Variants in NELL2 observed in about 807,000 individuals in gnomAD.
NELL2 encodes neural EGFL like 2.
In NELL2, 41 loss-of-function variants were observed where a neutral mutation model predicts 109.6. That is an observed-to-expected ratio of 0.37 (90% CI 0.29 to 0.49). NELL2 has a LOEUF of 0.49. Ranked by LOEUF, NELL2 falls within the 20% of genes least tolerant of loss-of-function variation. The probability of loss-of-function intolerance (pLI) is 0.98; values close to 1 mark genes in which losing one functional copy is unlikely to be tolerated. For missense variants in NELL2, 900 were observed against 1,008.3 expected, an observed-to-expected ratio of 0.89 and a Z score of 1.45; for synonymous variants, 355 against 344.7, an observed-to-expected ratio of 1.03 and a Z score of -0.33.
intron 2 of NELL2, among the ~76,000 whole-genome samples, chr12:44,861,769 C>T (rs1164316712): frequency 1.3e-5 from 2 of 152,220 alleles, no homozygotes; most frequent in Non-Finnish European, 2.9e-5. Flanking sequence ...AAACTGCTAA[C>T]CCAGTCACCA....
intron 1 of NELL2, among the ~76,000 whole-genome samples, chr12:44,899,097 G>A (rs2710433): frequency 0.3 from 44,834 of 151,676 alleles, 6,977 homozygotes; most frequent in East Asian, 0.44. Context: ...AAAGCCTCCA[G>A]GAAATATGGG....
chr12:44,714,894 A>G (rs1353866003), intron 9 of NELL2, among the ~76,000 whole-genome samples, 153 bp from the exon 10 acceptor site: 1 of 152,030 alleles, frequency 6.6e-6, no homozygotes, highest in Non-Finnish European at 1.5e-5. Flanking sequence ...TGCAAGGCAC[A>G]TGTAAACTTA....
intron 9 of NELL2, among the ~76,000 whole-genome samples, chr12:44,736,915 A>G (rs1338566140): frequency 1.3e-5 from 2 of 151,942 alleles, no homozygotes; most frequent in African/African-American, 2.4e-5. Context: ...AAATTTCCTA[A>G]TTTATTTTAT....
At chr12:44,888,577 GA>G (rs540078477) in intron 1 of NELL2, among the ~76,000 whole-genome samples, 6 of 151,138 alleles carry the variant, frequency 4.0e-5, no homozygotes, top group South Asian at 4.2e-4. Flanking sequence ...TAAAAATAAA[GA>G]AAAAAAATTA....
intron 3 of NELL2, among the ~76,000 whole-genome samples, chr12:44,800,340 C>T (rs866345679): frequency 6.6e-6 from 1 of 151,990 alleles, no homozygotes; most frequent in Non-Finnish European, 1.5e-5. Context: ...AAAATCCAAC[C>T]TATACATAAA....
At position 44,898,745 on chromosome 12, in the gene NELL2, T is replaced by C. The variant is rs569635393; in HGVS notation, c.38+15054A>G. On this transcript the variant is annotated intron_variant, in intron 1 of 20. Transcript: ENST00000333837. ...TCGCCAGCAAGGGAACAAAACTGAA[T>C]GGAGAATGAATTTGACAAATTGACA... Among the ~76,000 whole-genome samples, 309 of 152,134 alleles carry C rather than the reference T, an allele frequency of 2.0e-3. 1 individual carries two copies. Among genetic ancestry groups the C allele is most frequent in the African/African-American group, 2.6e-3 (107 of 41,528 alleles).
At chr12:44,654,640 T>G (rs1466823340) in intron 13 of NELL2, among the ~76,000 whole-genome samples, 1 of 152,118 alleles carries the variant, frequency 6.6e-6, no homozygotes, top group Non-Finnish European at 1.5e-5. Context: ...AAGCAGTCAG[T>G]GTGGCTGTGT....
Position 44,774,804 on chromosome 12 carries a change from A to G in NELL2, c.937T>C (p.Cys313Arg), listed in dbSNP as rs1235824932. The G allele has an allele frequency of 6.2e-7, 1 of 1,614,196 alleles. No homozygotes were observed. Among genetic ancestry groups the G allele is most frequent in the Admixed American group, 1.7e-5 (1 of 60,024 alleles). ...TACGCAAGAGCCGACTTAAGTGGGCAGTCAGGATTTGGGCAGATTAGAGTT... is the reference window on the plus strand; with the variant it reads ...TACGCAAGAGCCGACTTAAGTGGGCGGTCAGGATTTGGGCAGATTAGAGTT... ...CETLICPNPD[C>R]PLKSALAYVD... The change falls in exon 9 of 20, where the codon TGC (cysteine) becomes CGC (arginine). Residue 313 changes from cysteine (C) to arginine (R), a missense_variant. Transcript: ENST00000429094.
At chr12:44,753,932 C>T (rs978544204) in intron 9 of NELL2, among the ~76,000 whole-genome samples, 5 of 152,204 alleles carry the variant, frequency 3.3e-5, no homozygotes, top group African/African-American at 9.6e-5. Flanking sequence ...TCCTAGGCCA[C>T]ATTTCCCTCT....
intron 2 of NELL2, among the ~76,000 whole-genome samples, chr12:44,843,920 G>A (rs1944298661): frequency 6.6e-6 from 1 of 152,112 alleles, no homozygotes; most frequent in Non-Finnish European, 1.5e-5. Flanking sequence ...TACTTGGGAG[G>A]CTGAGGTGAG....
At chr12:44,866,916 C>A (rs1945017604) in intron 2 of NELL2, among the ~76,000 whole-genome samples, 1 of 151,910 alleles carries the variant, frequency 6.6e-6, no homozygotes, top group Admixed American at 6.6e-5. Flanking sequence ...CATTCCTAGA[C>A]ACATACAACT....
At chr12:44,601,986 T>A (rs886450504) in intron 15 of NELL2, among the ~76,000 whole-genome samples, 1 of 152,154 alleles carries the variant, frequency 6.6e-6, no homozygotes, top group African/African-American at 2.4e-5. Flanking sequence ...ATTAAAATCT[T>A]ATTTAAAACA....
chr12:44,815,365 A>G (rs1368308203), intron 3 of NELL2, among the ~76,000 whole-genome samples: 3 of 152,206 alleles, frequency 2.0e-5, no homozygotes, highest in Non-Finnish European at 4.4e-5. Context: ...TTAAACTCTA[A>G]ACCCAGACAA....
intron 12 of NELL2, among the ~76,000 whole-genome samples, chr12:44,680,944 A>G (rs1948475479): frequency 6.6e-6 from 1 of 152,180 alleles, no homozygotes; most frequent in African/African-American, 2.4e-5. Context: ...TCAAGTTTTC[A>G]CAACAGATCT....
chr12:44,845,643 A>G lies in NELL2; in HGVS notation c.185-29507T>C, dbSNP rs373878639. On this transcript the variant is annotated intron_variant, in intron 2 of 19. Coordinates refer to ENST00000429094, the MANE Select transcript of NELL2 (RefSeq NM_001145108.2). Reference sequence around the variant, plus strand: ...GGTAAAAATCCTCATTTTAAATTCAATGGAAACTGAATTTCTGAAGTGAAG... The same window carrying G: ...GGTAAAAATCCTCATTTTAAATTCAGTGGAAACTGAATTTCTGAAGTGAAG... Among the ~76,000 whole-genome samples, 167 of 152,322 alleles carry G rather than the reference A, an allele frequency of 1.1e-3. 2 individuals carry two copies. The South Asian group carries it at 0.019, about 18-fold the overall frequency.
At chr12:44,702,854 T>C (rs1949269732) in intron 12 of NELL2, among the ~76,000 whole-genome samples, 1 of 152,058 alleles carries the variant, frequency 6.6e-6, no homozygotes, top group South Asian at 2.1e-4. Flanking sequence ...CAGAAGTTGG[T>C]TTCCCGAGAG....
At chr12:44,856,467 G>C (rs1386643377) in intron 2 of NELL2, among the ~76,000 whole-genome samples, 10 of 152,180 alleles carry the variant, frequency 6.6e-5, no homozygotes, top group Admixed American at 6.5e-4. Flanking sequence ...GGAGGTAAAA[G>C]ACAAGTTGAA....
chr12:44,635,723 C>T (rs2136292164), intron 13 of NELL2, among the ~76,000 whole-genome samples: 1 of 152,228 alleles, frequency 6.6e-6, no homozygotes, highest in East Asian at 1.9e-4. Context: ...AGCATGATGC[C>T]TCTAGCTTTG....
chr12:44,678,682 C>T (rs1293986564), intron 12 of NELL2, among the ~76,000 whole-genome samples: 1 of 152,012 alleles, frequency 6.6e-6, no homozygotes, highest in Non-Finnish European at 1.5e-5. Context: ...GTTTGCAATT[C>T]AAAACCCTGA....
Sources: gnomAD v4.1 joint callset for allele counts (sites outside exome capture counted in the v4.1 genomes callset) on GRCh38, gnomAD v4.1.1 for gene constraint, MANE v1.5 for transcripts, NCBI Gene and HGNC (gene_info 2026-07-23, HGNC 2026-07-21) for gene names.